The following ERC2 variants were observed in gnomAD, a reference collection of about 807,000 sequenced individuals.
The protein encoded by ERC2 is ERC protein 2.
Under a neutral mutation model 114.8 loss-of-function variants are expected in ERC2, and 42 were observed. The observed-to-expected ratio is 0.37, with a 90% CI of 0.29 to 0.47. The LOEUF (loss-of-function observed/expected upper bound fraction) is 0.47. ERC2 is among the 20% of genes least tolerant of loss of function. The pLI is 0.99. For synonymous variants in ERC2, 454 were observed against 425.5 expected (o/e 1.07, Z -0.82); for missense variants, 939 against 1,150.7 (o/e 0.82, Z 2.66).
At chr3:56,053,622 C>T (rs542291484) in intron 7 of ERC2, among the ~76,000 whole-genome samples, 1 of 152,282 alleles carries the variant, frequency 6.6e-6, no homozygotes, top group East Asian at 1.9e-4. Context: ...GGATCTCAAT[C>T]AAGCCGTTTA....
At chr3:56,082,675 A>C (rs143737487) in intron 6 of ERC2, among the ~76,000 whole-genome samples, 243 of 152,242 alleles carry the variant, frequency 1.6e-3, no homozygotes, top group African/African-American at 5.1e-3. Flanking sequence ...GGAAAGGAAT[A>C]TGTTATGTTT....
At chr3:55,815,217 C>A (rs569111784) in intron 14 of ERC2, among the ~76,000 whole-genome samples, 30 of 152,292 alleles carry the variant, frequency 2.0e-4, no homozygotes, top group African/African-American at 7.2e-4. Flanking sequence ...ACTGAGACAT[C>A]TACTCTTAGT....
chr3:55,762,918 A>T (rs572697052), intron 14 of ERC2, among the ~76,000 whole-genome samples: 2 of 152,252 alleles, frequency 1.3e-5, no homozygotes, highest in Admixed American at 6.5e-5. Flanking sequence ...GTTCAGTTCA[A>T]CTTAACAACT....
intron 8 of ERC2, among the ~76,000 whole-genome samples, 184 bp from the exon 9 acceptor site, chr3:56,010,773 A>G (rs2072856767): frequency 6.6e-6 from 1 of 152,214 alleles, no homozygotes; most frequent in Non-Finnish European, 1.5e-5. Flanking sequence ...AGGACAACCA[A>G]TAACAGCTTT....
chr3:55,949,454 C>G (rs370607801), intron 13 of ERC2, among the ~76,000 whole-genome samples: 30 of 152,080 alleles, frequency 2.0e-4, no homozygotes, highest in African/African-American at 7.2e-4. Flanking sequence ...ATGTAAAGGG[C>G]CTTCAGTGAC....
chr3:55,745,220 G>T (rs559872108), intron 14 of ERC2, among the ~76,000 whole-genome samples: 2 of 152,190 alleles, frequency 1.3e-5, no homozygotes, highest in Non-Finnish European at 2.9e-5. Flanking sequence ...GACAAGCCAG[G>T]CTTGACTTGG....
chr3:55,996,961 T>C (rs1314437100), intron 10 of ERC2, among the ~76,000 whole-genome samples: 1 of 152,214 alleles, frequency 6.6e-6, no homozygotes, highest in Non-Finnish European at 1.5e-5. Context: ...TCTATTTACA[T>C]TTAATCTTCT....
At chr3:56,075,612 T>C (rs1366674835) in intron 7 of ERC2, among the ~76,000 whole-genome samples, 1 of 152,210 alleles carries the variant, frequency 6.6e-6, no homozygotes, top group Non-Finnish European at 1.5e-5. Context: ...GGATTATGCA[T>C]GTCTGTCTCC....
intron 14 of ERC2, among the ~76,000 whole-genome samples, chr3:55,856,369 C>T (rs2061783569): frequency 6.6e-6 from 1 of 152,174 alleles, no homozygotes; most frequent in Non-Finnish European, 1.5e-5. Flanking sequence ...TTTTGTGACT[C>T]GTCCAATGCA....
At chr3:56,172,064 C>T (rs2082707505) in intron 4 of ERC2, among the ~76,000 whole-genome samples, 1 of 147,720 alleles carries the variant, frequency 6.8e-6, no homozygotes, top group Non-Finnish European at 1.5e-5. Context: ...AACCAAGTAT[C>T]AGGTTTGATT....
intron 17 of ERC2, among the ~76,000 whole-genome samples, chr3:55,560,527 C>G (rs2055935851): frequency 6.6e-6 from 1 of 152,042 alleles, no homozygotes; most frequent in South Asian, 2.1e-4. Flanking sequence ...CCAGAGGTGC[C>G]CAGCCTGCAG....
chr3:55,570,850 G>A (rs563328240), intron 17 of ERC2, among the ~76,000 whole-genome samples: 7 of 152,252 alleles, frequency 4.6e-5, no homozygotes, highest in Admixed American at 1.3e-4. Flanking sequence ...GAAGTGGGCC[G>A]GGCGCAGTGG....
chr3:55,862,732 A>G (rs2062085764), intron 14 of ERC2, among the ~76,000 whole-genome samples: 1 of 152,168 alleles, frequency 6.6e-6, no homozygotes, highest in Non-Finnish European at 1.5e-5. Context: ...CCAAATTGAG[A>G]TGTCGAATTC....
intron 13 of ERC2, among the ~76,000 whole-genome samples, chr3:55,935,631 C>A (rs981213658): frequency 5.9e-5 from 9 of 152,226 alleles, no homozygotes; most frequent in Non-Finnish European, 1.2e-4. Flanking sequence ...CTCTGAGAAC[C>A]TGCTGGCTCA....
intron 3 of ERC2, among the ~76,000 whole-genome samples, chr3:56,215,823 C>T (rs2049428700): frequency 6.6e-6 from 1 of 152,122 alleles, no homozygotes; most frequent in African/African-American, 2.4e-5. Flanking sequence ...CAAACTAGAA[C>T]TCAGGATTAA....
intron 3 of ERC2, among the ~76,000 whole-genome samples, chr3:56,250,096 T>C (rs1015849232): frequency 2.0e-5 from 3 of 152,096 alleles, no homozygotes; most frequent in Admixed American, 6.5e-5. Context: ...GACCTTGTGA[T>C]CCACCTGCCT....
At chr3:56,339,081 C>T (rs1022479786) in intron 2 of ERC2, among the ~76,000 whole-genome samples, 1 of 152,168 alleles carries the variant, frequency 6.6e-6, no homozygotes, top group Non-Finnish European at 1.5e-5. Context: ...TCAGTTCTGT[C>T]CCTCCCAGCT....
intron 2 of ERC2, among the ~76,000 whole-genome samples, chr3:56,338,834 G>C (rs2057970264): frequency 6.6e-6 from 1 of 152,222 alleles, no homozygotes; most frequent in African/African-American, 2.4e-5. Flanking sequence ...ACAAAAATGA[G>C]TCTGGACTTC....
intron 6 of ERC2, among the ~76,000 whole-genome samples, chr3:56,097,341 T>C (rs138151835): frequency 1.5e-4 from 23 of 152,248 alleles, no homozygotes; most frequent in African/African-American, 5.1e-4. Context: ...ATATACTTAT[T>C]GCTCACTTTT....
Sources: gnomAD v4.1 joint callset for allele counts (sites outside exome capture counted in the v4.1 genomes callset) on GRCh38, gnomAD v4.1.1 for gene constraint, MANE v1.5 for transcripts, NCBI Gene and HGNC (gene_info 2026-07-23, HGNC 2026-07-21) for gene names.